Variants in RIMS2 observed in about 807,000 individuals in gnomAD.
RIMS2 encodes the protein regulating synaptic membrane exocytosis protein 2.
Under a neutral mutation model 174.4 loss-of-function variants are expected in RIMS2, and 59 were observed. That is an observed-to-expected ratio of 0.34 (90% CI 0.27 to 0.42). The LOEUF is 0.42. RIMS2 is among the 10% of genes least tolerant of loss of function. RIMS2 has a pLI of 1.00. For synonymous variants in RIMS2, 606 were observed against 572.5 expected, an observed-to-expected ratio of 1.06 and a Z score of -0.84; for missense variants, 1,620 against 1,666.3, an observed-to-expected ratio of 0.97 and a Z score of 0.48.
At chr8:104,223,382 A>T in intron 19 of RIMS2, 1 of 1,230,288 alleles carries the variant, frequency 8.1e-7, no homozygotes, top group Non-Finnish European at 1.0e-6. Flanking sequence ...CCCGGGCGAG[A>T]CCTCGGACGT....
rs1318308248 is a variant in RIMS2, at chr8:103,572,583, TTAA to T, written c.176+71526_176+71528del. Among the ~76,000 whole-genome samples the T allele has an allele frequency of 1.5e-4, 23 of 152,204 alleles. No individual in the cohort carries two copies. In the South Asian group the frequency reaches 4.6e-3, roughly 30 times the overall value. ...ATCTGTTTGTTTTTTTTTTCACTTT[TTAA>T]TAATGGCCATTGTGACTGGTGTGAG... On this transcript the variant is annotated intron_variant, in intron 1 of 23. Coordinates refer to ENST00000504942, the Ensembl canonical transcript of RIMS2.
chr8:103,927,280 C>T (rs1353098041), intron 10 of RIMS2, among the ~76,000 whole-genome samples: 3 of 151,432 alleles, frequency 2.0e-5, no homozygotes, highest in Admixed American at 1.3e-4. Flanking sequence ...ATTAGTCCAA[C>T]GTATTTCTGC....
intron 19 of RIMS2, among the ~76,000 whole-genome samples, chr8:104,031,675 A>G (rs1017993264): frequency 8.5e-5 from 13 of 152,114 alleles, no homozygotes; most frequent in African/African-American, 2.9e-4. Context: ...TTTGATTTAT[A>G]CTAGAAGTTA....
chr8:103,552,234 G>C (rs1372546417), intron 1 of RIMS2, among the ~76,000 whole-genome samples: 1 of 152,138 alleles, frequency 6.6e-6, no homozygotes, highest in Non-Finnish European at 1.5e-5. Flanking sequence ...AAACAGCATG[G>C]CACTGGTACC....
At chr8:104,101,610 A>T (rs2097904144) in intron 19 of RIMS2, among the ~76,000 whole-genome samples, 1 of 152,150 alleles carries the variant, frequency 6.6e-6, no homozygotes, top group Non-Finnish European at 1.5e-5. Flanking sequence ...TACTGTAGTC[A>T]AGCAACTTAA....
At chr8:103,506,912 G>A (rs529888670) in intron 1 of RIMS2, among the ~76,000 whole-genome samples, 1 of 152,178 alleles carries the variant, frequency 6.6e-6, no homozygotes, top group Admixed American at 6.5e-5. Flanking sequence ...ATTGGTAATC[G>A]GCAAGATACT....
intron 1 of RIMS2, among the ~76,000 whole-genome samples, chr8:103,530,687 C>G (rs1287066326): frequency 1.3e-5 from 2 of 152,070 alleles, no homozygotes; most frequent in Non-Finnish European, 2.9e-5. Flanking sequence ...TTAAGTTTTA[C>G]TTCACCAGAA....
At chr8:103,814,231 A>G (rs1311673955) in intron 3 of RIMS2, among the ~76,000 whole-genome samples, 2 of 152,090 alleles carry the variant, frequency 1.3e-5, no homozygotes, top group East Asian at 3.9e-4. Context: ...GGAACAACAG[A>G]CACTGTGGCC....
chr8:103,553,945 G>A (rs1479529763), intron 1 of RIMS2, among the ~76,000 whole-genome samples: 1 of 58,318 alleles, frequency 1.7e-5, no homozygotes, highest in African/African-American at 1.3e-4. Context: ...AAGTCTAGCA[G>A]TGGGAAAAGG....
chr8:103,932,114 A>G (rs1404464103), intron 12 of RIMS2, among the ~76,000 whole-genome samples: 1 of 152,232 alleles, frequency 6.6e-6, no homozygotes, highest in Non-Finnish European at 1.5e-5. Context: ...GAAAGAAGAA[A>G]TAATACCAGT....
intron 4 of RIMS2, among the ~76,000 whole-genome samples, chr8:103,892,377 T>A (rs1294116978): frequency 2.0e-5 from 3 of 151,756 alleles, no homozygotes; most frequent in African/African-American, 4.8e-5. Flanking sequence ...TAATTTTTTT[T>A]ATTTTTATTA....
chr8:104,121,791 G>A (rs773973180), intron 19 of RIMS2, among the ~76,000 whole-genome samples: 5 of 151,668 alleles, frequency 3.3e-5, no homozygotes, highest in Admixed American at 1.3e-4. Flanking sequence ...GTGAAACCTC[G>A]TCTCTACTAA....
At chr8:104,127,708 A>G (rs1222193628) in intron 19 of RIMS2, among the ~76,000 whole-genome samples, 1 of 152,178 alleles carries the variant, frequency 6.6e-6, no homozygotes, top group Non-Finnish European at 1.5e-5. Context: ...ACAATACCAC[A>G]TAGTAAACAG....
downstream of RIMS2, chr8:104,251,952 A>C (rs2099360526): frequency 1.6e-6 from 1 of 639,696 alleles, no homozygotes; most frequent in Non-Finnish European, 2.7e-6. Context: ...GATACAAAGC[A>C]ATCCTGTGTT....
intron 1 of RIMS2, among the ~76,000 whole-genome samples, chr8:103,537,354 A>C (rs1840290883): frequency 1.3e-5 from 2 of 152,204 alleles, no homozygotes; most frequent in African/African-American, 4.8e-5. Flanking sequence ...GAAAAATGTG[A>C]TTTTTGGAAT....
At chr8:103,651,026 C>T (rs2096442063) in intron 1 of RIMS2, among the ~76,000 whole-genome samples, 1 of 152,232 alleles carries the variant, frequency 6.6e-6, no homozygotes, top group Admixed American at 6.5e-5. Flanking sequence ...GTATGCAAAA[C>T]TCCTGGGTCT....
intron 1 of RIMS2, among the ~76,000 whole-genome samples, chr8:103,586,229 T>C (rs1409824829): frequency 6.6e-6 from 1 of 152,158 alleles, no homozygotes; most frequent in African/African-American, 2.4e-5. Flanking sequence ...GACTTAATAT[T>C]CACTATAGAT....
intron 3 of RIMS2, among the ~76,000 whole-genome samples, chr8:103,879,830 G>T (rs1344891436): frequency 6.6e-6 from 1 of 151,596 alleles, no homozygotes; most frequent in African/African-American, 2.4e-5. Context: ...TTTCAGAGTA[G>T]TAATATTAGT....
chr8:103,522,664 C>T (rs1435226456), intron 1 of RIMS2, among the ~76,000 whole-genome samples: 1 of 152,174 alleles, frequency 6.6e-6, no homozygotes, highest in African/African-American at 2.4e-5. Flanking sequence ...ATTCTCTCCT[C>T]AGTCCCTAGT....
Sources: allele counts gnomAD v4.1 joint callset (sites outside exome capture counted in the v4.1 genomes callset), GRCh38; gene constraint gnomAD v4.1.1; transcripts MANE v1.5; gene names NCBI Gene and HGNC (gene_info 2026-07-23, HGNC 2026-07-21).